The following ASB7 variants were observed in gnomAD, a reference collection of about 807,000 sequenced individuals.
The protein encoded by ASB7 is ankyrin repeat and SOCS box containing 7, also known as ankyrin repeat and SOCS box protein 7.
A neutral mutation model predicts 32.5 loss-of-function variants in ASB7; 4 were observed. The observed-to-expected ratio is 0.12, with a 90% CI of 0.06 to 0.28. The LOEUF (loss-of-function observed/expected upper bound fraction) is 0.28, where lower values mean the gene tolerates loss of function less well. Ranked by LOEUF, ASB7 falls within the 10% of genes least tolerant of loss-of-function variation. ASB7 has a pLI of 1.00. For missense variants in ASB7, 181 were observed against 407.1 expected, an observed-to-expected ratio of 0.44 and a Z score of 4.78; for synonymous variants, 172 against 155.6, an observed-to-expected ratio of 1.11 and a Z score of -0.78.
At chr15:100,634,543 C>T (rs990769381) in intron 5 of ASB7, among the ~76,000 whole-genome samples, 4 of 152,190 alleles carry the variant, frequency 2.6e-5, no homozygotes, top group African/African-American at 9.7e-5. Flanking sequence ...GTGGCTGACA[C>T]CTGTCATCCC....
At chr15:100,628,856 A>G (rs1042985384) in intron 4 of ASB7, among the ~76,000 whole-genome samples, 2 of 152,252 alleles carry the variant, frequency 1.3e-5, no homozygotes, top group African/African-American at 4.8e-5. Context: ...ATAGACTTCT[A>G]TCTTGTGAAA....
chr15:100,605,044 A>G (rs1409273481), intron 2 of ASB7, among the ~76,000 whole-genome samples: 1 of 152,222 alleles, frequency 6.6e-6, no homozygotes, highest in Non-Finnish European at 1.5e-5. Context: ...TGGCTAGTCC[A>G]GCACATAAGG....
At chr15:100,646,530 C>T in intron 5 of ASB7, 1 of 421,624 alleles carries the variant, frequency 2.4e-6, no homozygotes, top group Non-Finnish European at 4.9e-6. Context: ...CATTTCTGCC[C>T]TTTAGTAATT....
chr15:100,643,477 C>CTTTTTT (rs1172063471), intron 5 of ASB7, among the ~76,000 whole-genome samples: 4 of 104,380 alleles, frequency 3.8e-5, no homozygotes, highest in African/African-American at 1.2e-4. Context: ...GTCCCTTCTT[C>CTTTTTT]TTTTTTTTTT....
intron 5 of ASB7, among the ~76,000 whole-genome samples, chr15:100,633,645 A>T (rs573033103): frequency 6.7e-6 from 1 of 149,106 alleles, no homozygotes; most frequent in South Asian, 2.1e-4. Context: ...AAGGAAAGGA[A>T]GAAGGAAGGA....
At chr15:100,608,974 C>G (rs2039671494) in intron 2 of ASB7, among the ~76,000 whole-genome samples, 1 of 152,110 alleles carries the variant, frequency 6.6e-6, no homozygotes, top group Non-Finnish European at 1.5e-5. Flanking sequence ...TAGTAGTTCT[C>G]CCAATATGTA....
chr15:100,626,664 A>C (rs913270434), intron 4 of ASB7, among the ~76,000 whole-genome samples: 1 of 151,974 alleles, frequency 6.6e-6, no homozygotes, highest in African/African-American at 2.4e-5. Context: ...TCTCTCTCAT[A>C]TATTAATTCA....
At chr15:100,632,985 C>T (rs778621468) in intron 5 of ASB7, among the ~76,000 whole-genome samples, 11 of 151,944 alleles carry the variant, frequency 7.2e-5, no homozygotes, top group South Asian at 4.2e-4. Flanking sequence ...AGCCAGCCCG[C>T]TGTCCAGCAT....
At chr15:100,639,533 T>C (rs1400596235) in intron 5 of ASB7, among the ~76,000 whole-genome samples, 2 of 152,204 alleles carry the variant, frequency 1.3e-5, no homozygotes, top group African/African-American at 4.8e-5. Context: ...AAAATGCCTC[T>C]AAAACAAGTG....
At chr15:100,614,210 G>T (rs866756994) in intron 4 of ASB7, among the ~76,000 whole-genome samples, 1 of 151,066 alleles carries the variant, frequency 6.6e-6, no homozygotes, top group South Asian at 2.1e-4. Flanking sequence ...GTGGGTGGAG[G>T]TTGCAGTGAG....
chr15:100,647,079 A>ATCCC (rs1368833781), intron 5 of ASB7, among the ~76,000 whole-genome samples: 1 of 152,134 alleles, frequency 6.6e-6, no homozygotes, highest in Non-Finnish European at 1.5e-5. Context: ...ATGATGTGTT[A>ATCCC]TTTATGTTAA....
At chr15:100,640,796 T>A (rs1395859248) in intron 5 of ASB7, among the ~76,000 whole-genome samples, 3 of 152,356 alleles carry the variant, frequency 2.0e-5, no homozygotes, top group Non-Finnish European at 4.4e-5. Flanking sequence ...GGATATTTAA[T>A]TTTCTAAATT....
Position 100,648,434 on chromosome 15 carries a change from A to G in ASB7, c.929A>G (p.Tyr310Cys). ...CCAATTGCCAAGGTCATGAAAGACT[A>G]CTTAAAACACAAATTTGATGATATC... ...ELPIAKVMKD[Y>C]LKHKFDDI Residue 310 changes from tyrosine (Y) to cysteine (C), a missense_variant, in exon 6 of 6, where the codon TAC becomes TGC. Transcript: ENST00000332783. The G allele has an allele frequency of 6.2e-7, 1 of 1,609,216 alleles. No homozygotes were observed. The highest frequency in any genetic ancestry group is 8.5e-7 in the Non-Finnish European group (1 of 1,175,930).
chr15:100,645,307 A>C (rs115409881), intron 5 of ASB7: 381 of 201,624 alleles, frequency 1.9e-3, no homozygotes, highest in African/African-American at 8.6e-3. Flanking sequence ...GAAGGGTGAA[A>C]ACTTTATATA....
chr15:100,615,489 T>C (rs1253443486), intron 4 of ASB7, among the ~76,000 whole-genome samples: 1 of 152,244 alleles, frequency 6.6e-6, no homozygotes, highest in Non-Finnish European at 1.5e-5. Flanking sequence ...GGATATACTA[T>C]CATTTGTTTA....
intron 4 of ASB7, among the ~76,000 whole-genome samples, chr15:100,614,525 G>A (rs2039724970): frequency 6.6e-6 from 1 of 152,062 alleles, no homozygotes; most frequent in African/African-American, 2.4e-5. Context: ...TCGGAGCCTG[G>A]AAGCAGCCAC....
At chr15:100,618,151 C>G (rs1179933498) in intron 4 of ASB7, among the ~76,000 whole-genome samples, 2 of 152,128 alleles carry the variant, frequency 1.3e-5, no homozygotes, top group Admixed American at 6.6e-5. Context: ...GAGTCTTGCT[C>G]TGTCACACAG....
intron 3 of ASB7, among the ~76,000 whole-genome samples, chr15:100,610,224 G>A (rs1020232052): frequency 2.6e-5 from 4 of 152,194 alleles, no homozygotes; most frequent in Middle Eastern, 3.4e-3. Flanking sequence ...GCCGGGCGCA[G>A]TGGCTCACGC....
intron 5 of ASB7, among the ~76,000 whole-genome samples, chr15:100,635,125 TGGGGG>T (rs2039913509): frequency 1.3e-5 from 2 of 152,262 alleles, no homozygotes; most frequent in East Asian, 3.9e-4. Context: ...ACAGCACTGT[TGGGGG>T]GTCACCTTGT....
Sources: gnomAD v4.1 joint callset for allele counts (sites outside exome capture counted in the v4.1 genomes callset) on GRCh38, gnomAD v4.1.1 for gene constraint, MANE v1.5 for transcripts, NCBI Gene and HGNC (gene_info 2026-07-23, HGNC 2026-07-21) for gene names.